RBFOX1: variants seen among roughly 807,000 people sequenced by gnomAD.
The protein encoded by RBFOX1 is RNA binding fox-1 homolog 1, also known as RNA binding protein fox-1 homolog 1.
A neutral mutation model predicts 57.7 loss-of-function variants in RBFOX1; 8 were observed. The observed-to-expected ratio is 0.14, with a 90% CI of 0.08 to 0.25. RBFOX1 has a LOEUF of 0.25. Ranked by LOEUF, RBFOX1 falls within the 10% of genes least tolerant of loss-of-function variation. The pLI, the probability that RBFOX1 is intolerant of heterozygous loss-of-function variation, is 1.00. For missense variants in RBFOX1, 611 were observed against 548.5 expected (o/e 1.11, Z -1.14); for synonymous variants, 326 against 222.4 (o/e 1.47, Z -4.15).
At chr16:7,667,438 C>A (rs1341417492) in intron 13 of RBFOX1, among the ~76,000 whole-genome samples, 1 of 152,158 alleles carries the variant, frequency 6.6e-6, no homozygotes, top group East Asian at 1.9e-4. Context: ...CACTACCCTA[C>A]CTCCCTTGAG....
At chr16:5,633,323 C>T (rs1239360490) in intron 3 of RBFOX1, among the ~76,000 whole-genome samples, 1 of 152,166 alleles carries the variant, frequency 6.6e-6, no homozygotes. Flanking sequence ...TTTCTTTTCT[C>T]ATTCCAAAGC....
intron 3 of RBFOX1, among the ~76,000 whole-genome samples, chr16:5,860,976 C>G (rs1448108066): frequency 6.6e-6 from 1 of 152,164 alleles, no homozygotes; most frequent in African/African-American, 2.4e-5. Flanking sequence ...AGGTGAGGAC[C>G]TGAGTTTCCT....
chr16:6,209,080 A>G (rs11077011), intron 1 of RBFOX1, among the ~76,000 whole-genome samples: 46,871 of 152,004 alleles, frequency 0.31, 8,012 homozygotes, highest in African/African-American at 0.44. Flanking sequence ...CACTGTTTTG[A>G]GAAGAGGAGA....
At chr16:5,730,930 G>A (rs923437990) in intron 3 of RBFOX1, among the ~76,000 whole-genome samples, 1 of 147,918 alleles carries the variant, frequency 6.8e-6, no homozygotes, top group African/African-American at 2.4e-5. Flanking sequence ...ATTGTCACTG[G>A]TGTCACCATC....
At chr16:7,065,136 G>A (rs932700035) in intron 4 of RBFOX1, among the ~76,000 whole-genome samples, 5 of 152,208 alleles carry the variant, frequency 3.3e-5, no homozygotes, top group Non-Finnish European at 2.9e-5. Context: ...GTATGGAGAC[G>A]CATTTGTAAC....
In RBFOX1 at chr16:7,441,219, C is replaced by T. The variant is rs1426220239; in HGVS notation, c.28-76928C>T. On this transcript the variant is annotated intron_variant, in intron 4 of 15. Coordinates refer to ENST00000550418, the MANE Select transcript of RBFOX1 (RefSeq NM_018723.4). ...GCTGCATGCGCATGACTTGGCGATT[C>T]GACCTCTGAAAGCTCTGCAAGGCTA... Among the ~76,000 whole-genome samples the T allele has an allele frequency of 3.3e-5, 5 of 152,154 alleles. No individual in the cohort carries two copies. In the South Asian group the frequency reaches 1.0e-3, roughly 31 times the overall value.
At chr16:5,370,017 G>A (rs1029726) in intron 1 of RBFOX1, among the ~76,000 whole-genome samples, 11,932 of 152,132 alleles carry the variant, frequency 0.078, 798 homozygotes, top group African/African-American at 0.19. Flanking sequence ...CCTCCTCTGA[G>A]CTTCCTTGTC....
intron 3 of RBFOX1, among the ~76,000 whole-genome samples, chr16:7,011,456 TTGTTTGTTTGTTTTTGTTGTGTG>T (rs2093648999): frequency 6.9e-6 from 1 of 145,270 alleles, no homozygotes; most frequent in Admixed American, 6.8e-5. Flanking sequence ...AGTTGGATTT[TTGTTTGTTTGTTTTTGTTGTGTG>T]TGTTTGTTTG....
At chr16:5,464,047 A>G (rs1436357696) in intron 1 of RBFOX1, among the ~76,000 whole-genome samples, 1 of 152,138 alleles carries the variant, frequency 6.6e-6, no homozygotes, top group Non-Finnish European at 1.5e-5. Flanking sequence ...GACCAGCAGG[A>G]GGAGGGAATC....
intron 3 of RBFOX1, among the ~76,000 whole-genome samples, chr16:6,890,903 A>T (rs779953456): frequency 6.6e-6 from 1 of 152,216 alleles, no homozygotes; most frequent in Admixed American, 6.5e-5. Context: ...TGAAGTGAGC[A>T]TGAAGTGAGA....
At chr16:7,124,035 G>A (rs1256668844) in intron 4 of RBFOX1, among the ~76,000 whole-genome samples, 4 of 152,196 alleles carry the variant, frequency 2.6e-5, no homozygotes, top group Admixed American at 1.3e-4. Context: ...TAGGTCAAAG[G>A]TTATGTATAT....
intron 1 of RBFOX1, among the ~76,000 whole-genome samples, chr16:6,030,657 C>G (rs140782749): frequency 6.6e-6 from 1 of 152,118 alleles, no homozygotes; most frequent in African/African-American, 2.4e-5. Context: ...CTTTAAAACA[C>G]CAGGAACCCT....
chr16:6,892,768 C>G (rs2065776692), intron 3 of RBFOX1, among the ~76,000 whole-genome samples: 1 of 98,396 alleles, frequency 1.0e-5, no homozygotes, highest in Non-Finnish European at 2.1e-5. Context: ...CAAAGCCTCC[C>G]TGTCTCCCTC....
intron 14 of RBFOX1, among the ~76,000 whole-genome samples, chr16:7,682,576 T>C (rs1213637131): frequency 6.6e-6 from 1 of 151,384 alleles, no homozygotes; most frequent in Non-Finnish European, 1.5e-5. Context: ...TTATTTTTAC[T>C]CAACCTGATG....
intron 1 of RBFOX1, among the ~76,000 whole-genome samples, chr16:6,066,181 C>A (rs893971080): frequency 6.6e-6 from 1 of 151,182 alleles, no homozygotes; most frequent in South Asian, 2.1e-4. Flanking sequence ...GTAGTCCCAG[C>A]TACTTGGGAG....
chr16:5,342,213 A>G (rs1296351549), intron 1 of RBFOX1, among the ~76,000 whole-genome samples: 1 of 152,102 alleles, frequency 6.6e-6, no homozygotes, highest in Non-Finnish European at 1.5e-5. Flanking sequence ...GCCTAGGGTG[A>G]CCACCAGTTC....
intron 3 of RBFOX1, among the ~76,000 whole-genome samples, chr16:5,793,574 C>T (rs544835273): frequency 2.0e-5 from 3 of 152,280 alleles, no homozygotes; most frequent in South Asian, 2.1e-4. Flanking sequence ...CCCTCTTCAG[C>T]CCCCAGGCCC....
intron 4 of RBFOX1, among the ~76,000 whole-genome samples, chr16:7,145,379 G>C (rs1039311354): frequency 6.6e-6 from 1 of 151,966 alleles, no homozygotes; most frequent in South Asian, 2.1e-4. Flanking sequence ...TCATTTTTTT[G>C]TATTTTAAAT....
chr16:7,518,150 A>C lies in RBFOX1; in HGVS notation c.31A>C (p.Asn11His). MNCEREQLRG[N>H]QEAAAAPDTM... ...CTGCACCTTTTTGATTTTTCAGGGT[A>C]ATCAGGAAGCAGCCGCTGCCCCTGA... The change falls in exon 5 of 16, where the codon AAT (asparagine) becomes CAT (histidine). Residue 11 changes from asparagine to histidine, a missense_variant. By Grantham distance (68) the Asn-to-His change is moderately conservative (BLOSUM62 1). Around this residue, in one of 3 missense-constraint regions of RBFOX1, gnomAD observed 245 missense variants for 159.1 expected, o/e 1.54. Transcript: ENST00000550418. 1 of 1,609,598 alleles carries C rather than the reference A, an allele frequency of 6.2e-7. No homozygotes were observed. The highest frequency in any genetic ancestry group is 8.5e-7 in the Non-Finnish European group (1 of 1,177,768).
Sources: allele counts gnomAD v4.1 joint callset (sites outside exome capture counted in the v4.1 genomes callset), GRCh38; gene constraint gnomAD v4.1.1; regional missense constraint gnomAD v4.1.1; transcripts MANE v1.5; gene names NCBI Gene and HGNC (gene_info 2026-07-23, HGNC 2026-07-21).